CBFA2T3: variants seen among roughly 807,000 people sequenced by gnomAD.
CBFA2T3 encodes CBFA2/RUNX1 partner transcriptional co-repressor 3.
Under a neutral mutation model 58.6 loss-of-function variants are expected in CBFA2T3, and 31 were observed. The observed-to-expected ratio is 0.53, with a 90% CI of 0.40 to 0.71. The LOEUF is 0.71. Among genes scored for constraint, CBFA2T3 ranks in the 30% least tolerant of loss-of-function variants. The pLI, the probability that CBFA2T3 is intolerant of heterozygous loss-of-function variation, is 0.00. For synonymous variants in CBFA2T3, 531 were observed against 421.9 expected (o/e 1.26, Z -3.17); for missense variants, 1,076 against 963.1 (o/e 1.12, Z -1.55).
intron 1 of CBFA2T3, among the ~76,000 whole-genome samples, chr16:88,917,197 CT>C (rs1970766706): frequency 6.6e-6 from 1 of 152,236 alleles, no homozygotes; most frequent in Non-Finnish European, 1.5e-5. Context: ...GCCCTGCCCT[CT>C]GCACAGCCAC....
intron 1 of CBFA2T3, among the ~76,000 whole-genome samples, chr16:88,908,875 C>T (rs575878609): frequency 4.7e-4 from 72 of 152,368 alleles, no homozygotes; most frequent in African/African-American, 1.6e-3. Context: ...CCAGGCCTGA[C>T]CTGAGCATTT....
Position 88,885,756 on chromosome 16 carries a change from C to G in CBFA2T3, c.893+205G>C, listed in dbSNP as rs1346320617. On this transcript the variant is annotated intron_variant, in intron 6 of 11. Coordinates refer to ENST00000268679, the MANE Select transcript of CBFA2T3 (RefSeq NM_005187.6). The surrounding 1 kb of genome is among the most constrained non-coding windows in gnomAD (Gnocchi z 5.3). The stretch of plus-strand genomic sequence containing the variant: ...TGTCCTCCTAGGCTCCCCGGAGCAT[C>G]TGAGTCTGCAGCCCACTGGGGTGTC... 6.9e-6 allele frequency: 4 copies of G among 576,896 alleles called. No individual in the cohort carries two copies. The highest frequency in any genetic ancestry group is 5.7e-5 in the African/African-American group (3 of 52,592). 35.7% of individuals were successfully genotyped at this position (576,896 alleles called of 1,614,324 possible).
Position 88,954,330 on chromosome 16 carries a change from G to A in CBFA2T3, c.151+22327C>T, listed in dbSNP as rs144618969. Among the ~76,000 whole-genome samples, 1,172 of 144,644 alleles carry A rather than the reference G, an allele frequency of 8.1e-3. 25 individuals carry two copies. The highest frequency in any genetic ancestry group is 0.031 in the African/African-American group (1,095 of 34,958). The allele number at this position is 144,644 out of a possible 152,430, so 94.9% of individuals were successfully genotyped here. On this transcript the variant is annotated intron_variant, in intron 1 of 11. Coordinates refer to ENST00000268679, the MANE Select transcript of CBFA2T3 (RefSeq NM_005187.6). ...CCCAAGGGTCCTGACCCCACCCAAG[G>A]CTCCTGACCCCAGCCAAGGCTCCTG...
chr16:88,946,327 A>C (rs756951808), intron 1 of CBFA2T3, among the ~76,000 whole-genome samples: 36 of 152,120 alleles, frequency 2.4e-4, no homozygotes, highest in Non-Finnish European at 4.3e-4. Flanking sequence ...AGAAAAAAAA[A>C]AGTGAATATT....
chr16:88,928,125 C>G (rs1200444989), intron 1 of CBFA2T3, among the ~76,000 whole-genome samples: 1 of 151,862 alleles, frequency 6.6e-6, no homozygotes, highest in African/African-American at 2.4e-5. Context: ...ATCACTGTCC[C>G]ACGGGGCTCT....
chr16:88,901,548 G>T lies in CBFA2T3; in HGVS notation c.260C>A (p.Ala87Glu). The stretch of plus-strand genomic sequence containing the variant: ...GGGGGGGCGTGTGGCCCCCTGGGAT[G>T]CGGCAGGCGGTGGGGGCGGCATGCT... ...PPSMPPPPPA[A>E]SQGATRPPSF... The change falls in exon 2 of 12, where the codon GCA (alanine) becomes GAA (glutamate). Residue 87 changes from alanine (A) to glutamate (E), a missense_variant. Transcript: ENST00000268679. 1 of 1,475,944 alleles carries T rather than the reference G, an allele frequency of 6.8e-7. No homozygotes were observed. Among genetic ancestry groups the T allele is most frequent in the Non-Finnish European group, 9.0e-7 (1 of 1,116,546 alleles). 91.4% of individuals were successfully genotyped at this position (1,475,944 alleles called of 1,614,324 possible).
intron 1 of CBFA2T3, among the ~76,000 whole-genome samples, chr16:88,966,438 G>A (rs183379045): frequency 2.0e-5 from 3 of 151,624 alleles, no homozygotes; most frequent in African/African-American, 7.3e-5. Flanking sequence ...GTGCAGCATG[G>A]CTGGGCTACC....
chr16:88,936,837 G>T (rs1292954726), intron 1 of CBFA2T3: 1 of 152,298 alleles, frequency 6.6e-6, no homozygotes, highest in African/African-American at 2.4e-5. Flanking sequence ...CGGAAAGCCG[G>T]ATCCCGGCGG....
At chr16:88,935,189 G>C (rs557560183) in intron 1 of CBFA2T3, among the ~76,000 whole-genome samples, 3 of 151,752 alleles carry the variant, frequency 2.0e-5, no homozygotes, top group South Asian at 2.1e-4. Context: ...GCTGCCCCCG[G>C]TCAGGGGCAG....
Position 88,938,934 on chromosome 16 carries a change from T to C in CBFA2T3, c.152-37278A>G, listed in dbSNP as rs1474438031. On this transcript the variant is annotated intron_variant, in intron 1 of 11. Transcript: ENST00000268679. ...ATGGTTCCAGAAGCTGGCAGGGAAA[T>C]GCCTCACCCACCTCACACCCTCCCT... is the stretch of plus-strand genomic sequence containing the variant. 3.9e-5 allele frequency: 6 copies of C among 151,968 alleles called. No individual in the cohort carries two copies. In the East Asian group the frequency reaches 1.2e-3, roughly 30 times the overall value. The allele number at this position is 151,968 out of a possible 1,614,324, so 9.4% of individuals were successfully genotyped here. A position where few individuals can be genotyped will look rare whatever the true frequency, so the allele number is the denominator to read the frequency against.
At chr16:88,879,544 G>C (rs1036747230) in intron 10 of CBFA2T3, 84 bp from the exon 11 acceptor site, 2 of 1,272,998 alleles carry the variant, frequency 1.6e-6, no homozygotes, top group Admixed American at 3.7e-5. Context: ...CCACAACCTG[G>C]GGACAGGGGC....
chr16:88,965,731 C>T (rs930167517), intron 1 of CBFA2T3, among the ~76,000 whole-genome samples: 1 of 152,226 alleles, frequency 6.6e-6, no homozygotes, highest in Non-Finnish European at 1.5e-5. Flanking sequence ...TCCTGGGCCA[C>T]CATTATCTGC....
chr16:88,891,410 G>T (rs1285398226), intron 5 of CBFA2T3, among the ~76,000 whole-genome samples: 1 of 152,200 alleles, frequency 6.6e-6, no homozygotes, highest in East Asian at 1.9e-4. Context: ...TGCAGCTGCA[G>T]ATTTGAGAGT....
Position 88,966,218 on chromosome 16 carries a change from C to T in CBFA2T3, c.151+10439G>A, listed in dbSNP as rs529263684. The stretch of plus-strand genomic sequence containing the variant: ...GACTTCCCCGACCTGAGTCACAGCA[C>T]GGCTTCCTGAAACACATCTTGGCCA... On this transcript the variant is annotated intron_variant, in intron 1 of 11. Coordinates refer to ENST00000268679, the MANE Select transcript of CBFA2T3 (RefSeq NM_005187.6). Among the ~76,000 whole-genome samples, 218 of 152,318 alleles carry T rather than the reference C, an allele frequency of 1.4e-3. 3 individuals carry two copies. Among genetic ancestry groups the T allele is most frequent in the South Asian group, 0.013 (63 of 4,832 alleles).
chr16:88,952,449 G>A (rs915090136), intron 1 of CBFA2T3, among the ~76,000 whole-genome samples: 8 of 151,836 alleles, frequency 5.3e-5, no homozygotes, highest in Admixed American at 2.0e-4. Context: ...AAATGCCCAG[G>A]CCATGGGGTG....
intron 2 of CBFA2T3, among the ~76,000 whole-genome samples, chr16:88,898,507 G>A (rs1851026733): frequency 2.6e-5 from 4 of 152,214 alleles, no homozygotes; most frequent in Admixed American, 2.0e-4. Context: ...GGGCCGTTCT[G>A]GCAGCACTGT....
chr16:88,925,885 G>A lies in CBFA2T3; in HGVS notation c.152-24229C>T, dbSNP rs567696487. On this transcript the variant is annotated intron_variant, in intron 1 of 11. Coordinates refer to ENST00000268679, the MANE Select transcript of CBFA2T3 (RefSeq NM_005187.6). ...GCGGAGTCGGTGCCATCCTCTCTAC[G>A]CCAGACGCCATGTGAACGTTTTTAC... is the stretch of plus-strand genomic sequence containing the variant. 4.7e-4 allele frequency among the ~76,000 whole-genome samples: 72 copies of A among 152,338 alleles called. 1 individual carries two copies. The highest frequency in any genetic ancestry group is 2.1e-3 in the South Asian group (10 of 4,832).
At chr16:88,891,636 G>A (rs922710601) in intron 5 of CBFA2T3, among the ~76,000 whole-genome samples, 2 of 152,186 alleles carry the variant, frequency 1.3e-5, no homozygotes, top group South Asian at 2.1e-4. Context: ...ATAATCATCC[G>A]GTCTGGCAAC....
chr16:88,941,327 C>T, intron 1 of CBFA2T3: 1 of 223,604 alleles, frequency 4.5e-6, no homozygotes, highest in Non-Finnish European at 7.4e-6. Flanking sequence ...GCTCCAACGC[C>T]GCGCGCTCGC....
Sources: allele counts gnomAD v4.1 joint callset (sites outside exome capture counted in the v4.1 genomes callset), GRCh38; gene constraint gnomAD v4.1.1; non-coding constraint Gnocchi (gnomAD v3.1); transcripts MANE v1.5; gene names NCBI Gene and HGNC (gene_info 2026-07-23, HGNC 2026-07-21).